TAS2R1: variants seen among roughly 807,000 people sequenced by gnomAD.
The protein encoded by TAS2R1 is taste 2 receptor member 1, also known as taste receptor type 2 member 1.
For missense variants in TAS2R1, 370 were observed against 353.4 expected, an observed-to-expected ratio of 1.05 and a Z score of -0.38; for synonymous variants, 141 against 134.2, an observed-to-expected ratio of 1.05 and a Z score of -0.35.
upstream of TAS2R1, among the ~76,000 whole-genome samples, chr5:9,631,707 G>A (rs1363192687): frequency 6.6e-6 from 1 of 152,206 alleles, no homozygotes; most frequent in Non-Finnish European, 1.5e-5. Context: ...TTGTCTAAAT[G>A]TGTCATAAAG....
At chr5:9,838,824 A>G in the TAS2R1 span, among the ~76,000 whole-genome samples, 1 of 152,210 alleles carries the variant, frequency 6.6e-6, no homozygotes, top group Non-Finnish European at 1.5e-5. Context: ...AACGCTGGAA[A>G]TGATTCACAT....
intron 1 of TAS2R1, among the ~76,000 whole-genome samples, chr5:9,710,013 C>T (rs929203530): frequency 2.6e-5 from 4 of 152,214 alleles, no homozygotes; most frequent in Non-Finnish European, 5.9e-5. Flanking sequence ...TTTTGGTCCA[C>T]GGAGTCTTTT....
chr5:9,862,291 G>A, the TAS2R1 span, among the ~76,000 whole-genome samples: 3 of 152,136 alleles, frequency 2.0e-5, no homozygotes, highest in Non-Finnish European at 4.4e-5. Context: ...GAAGGTTTGC[G>A]CTTTGAGAGC....
the TAS2R1 span, among the ~76,000 whole-genome samples, chr5:9,872,247 T>G: frequency 6.6e-6 from 1 of 152,232 alleles, no homozygotes; most frequent in Admixed American, 6.5e-5. Flanking sequence ...AGCAGGCATA[T>G]AGACATAGCA....
chr5:9,899,697 C>T, the TAS2R1 span, among the ~76,000 whole-genome samples: 2 of 150,404 alleles, frequency 1.3e-5, no homozygotes, highest in African/African-American at 2.4e-5. Flanking sequence ...CACAAGAAGA[C>T]AAAAACTAGA....
intron 1 of TAS2R1, among the ~76,000 whole-genome samples, chr5:9,698,383 A>C (rs913950782): frequency 2.0e-5 from 3 of 152,224 alleles, no homozygotes; most frequent in Non-Finnish European, 4.4e-5. Context: ...TCACTACAGC[A>C]GTATCATAAA....
chr5:9,869,064 C>T, the TAS2R1 span, among the ~76,000 whole-genome samples: 1 of 152,138 alleles, frequency 6.6e-6, no homozygotes, highest in Non-Finnish European at 1.5e-5. Flanking sequence ...CTCCAAGTCT[C>T]TAGGAAGTTC....
chr5:9,656,963 T>C (rs1194427305), intron 2 of TAS2R1, among the ~76,000 whole-genome samples: 3 of 152,120 alleles, frequency 2.0e-5, no homozygotes, highest in Non-Finnish European at 2.9e-5. Flanking sequence ...TAAAATATAA[T>C]TCAAAACTTA....
the TAS2R1 span, among the ~76,000 whole-genome samples, chr5:9,751,833 A>G: frequency 3.0e-3 from 459 of 152,320 alleles, 1 homozygote; most frequent in African/African-American, 0.011. Flanking sequence ...TCAATGTCCT[A>G]AGGTACCTAA....
the TAS2R1 span, among the ~76,000 whole-genome samples, chr5:9,772,045 T>A: frequency 6.6e-6 from 1 of 152,122 alleles, no homozygotes; most frequent in Non-Finnish European, 1.5e-5. Context: ...TTCTACTAAT[T>A]TTGAGTTCTA....
chr5:9,679,485 T>C (rs1740953129), intron 1 of TAS2R1, among the ~76,000 whole-genome samples: 1 of 152,168 alleles, frequency 6.6e-6, no homozygotes, highest in South Asian at 2.1e-4. Flanking sequence ...TAAGTGACTT[T>C]GGAAATGAGT....
chr5:9,835,424 C>A, the TAS2R1 span, among the ~76,000 whole-genome samples: 1 of 152,224 alleles, frequency 6.6e-6, no homozygotes, highest in Non-Finnish European at 1.5e-5. Context: ...TGGCACTTCA[C>A]ACCATCCACA....
At chr5:9,890,499 C>A in the TAS2R1 span, among the ~76,000 whole-genome samples, 1 of 152,100 alleles carries the variant, frequency 6.6e-6, no homozygotes, top group Admixed American at 6.5e-5. Flanking sequence ...GCTTTCCAAC[C>A]CCATTATATA....
the TAS2R1 span, among the ~76,000 whole-genome samples, chr5:9,766,548 G>T: frequency 6.6e-6 from 1 of 152,232 alleles, no homozygotes; most frequent in African/African-American, 2.4e-5. Context: ...GGTCACCTGG[G>T]TTGGATGAGT....
intron 1 of TAS2R1, among the ~76,000 whole-genome samples, chr5:9,677,743 C>T (rs1604463): frequency 0.12 from 18,910 of 152,166 alleles, 1,357 homozygotes; most frequent in Admixed American, 0.24. Flanking sequence ...AATGGTACAG[C>T]CACTTTAGAA....
the TAS2R1 span, among the ~76,000 whole-genome samples, chr5:9,812,886 C>T: frequency 1.3e-5 from 2 of 152,114 alleles, no homozygotes; most frequent in African/African-American, 4.8e-5. Context: ...GGAAAAGCTA[C>T]ATTTCTTAAT....
the TAS2R1 span, among the ~76,000 whole-genome samples, chr5:9,890,833 C>T: frequency 1.3e-5 from 2 of 152,136 alleles, no homozygotes; most frequent in Admixed American, 6.5e-5. Flanking sequence ...ACTTTAACAC[C>T]GGATTCCAAA....
the TAS2R1 span, among the ~76,000 whole-genome samples, chr5:9,786,249 T>C: frequency 2.0e-5 from 3 of 152,206 alleles, no homozygotes; most frequent in Non-Finnish European, 2.9e-5. Flanking sequence ...ATGGCTAAGA[T>C]TGTCATGCTT....
At chr5:9,680,710 C>A (rs1018956932) in intron 1 of TAS2R1, among the ~76,000 whole-genome samples, 2 of 152,084 alleles carry the variant, frequency 1.3e-5, no homozygotes, top group Non-Finnish European at 2.9e-5. Context: ...ACAAAAGGAT[C>A]AGAAACTGCC....
Sources: allele counts gnomAD v4.1 joint callset (sites outside exome capture counted in the v4.1 genomes callset), GRCh38; gene constraint gnomAD v4.1.1; transcripts MANE v1.5; gene names NCBI Gene and HGNC (gene_info 2026-07-23, HGNC 2026-07-21).